Variants in DST observed in about 807,000 individuals in gnomAD.
DST encodes the protein dystonin.
In DST, 253 loss-of-function variants were observed where a neutral mutation model predicts 875.2. That is an observed-to-expected ratio of 0.29 (90% CI 0.26 to 0.32). The LOEUF is 0.32. Among genes scored for constraint, DST ranks in the 10% least tolerant of loss-of-function variants. DST has a pLI of 1.00. For missense variants in DST, 8,287 were observed against 9,111.6 expected (o/e 0.91, Z 3.68); for synonymous variants, 3,124 against 3,197.1 (o/e 0.98, Z 0.77).
rs530637951 is a variant in DST at position 56,844,597 on chromosome 6, G to A, written c.625+6800C>T. 1.6e-4 allele frequency among the ~76,000 whole-genome samples: 24 copies of A among 152,282 alleles called. No homozygotes were observed. The South Asian group carries it at 4.8e-3, about 30-fold the overall frequency. ...ATGTGTTTAAGAGTAATGACTGGCCGGGCGCGGTGTCTCACGCCTGTAATC... is the reference window on the plus strand; with the variant it reads ...ATGTGTTTAAGAGTAATGACTGGCCAGGCGCGGTGTCTCACGCCTGTAATC... On this transcript the variant is annotated intron_variant, in intron 4 of 103. Coordinates refer to ENST00000680361, the MANE Select transcript of DST (RefSeq NM_001374736.1).
chr6:56,715,977 A>C (rs2152901228), intron 5 of DST, among the ~76,000 whole-genome samples: 1 of 152,262 alleles, frequency 6.6e-6, no homozygotes, highest in South Asian at 2.1e-4. Flanking sequence ...AGGACTTCCA[A>C]GTCTACGCAT....
chr6:56,819,704 T>C (rs1384297261), intron 4 of DST, among the ~76,000 whole-genome samples: 1 of 137,670 alleles, frequency 7.3e-6, no homozygotes, highest in African/African-American at 2.6e-5. Context: ...AATTAACAGG[T>C]ACTACAATAA....
At chr6:56,935,851 G>A (rs572237541) in intron 2 of DST, among the ~76,000 whole-genome samples, 1 of 151,300 alleles carries the variant, frequency 6.6e-6, no homozygotes, top group East Asian at 2.0e-4. Flanking sequence ...CTTGAACCCG[G>A]GAGGCAGAGG....
Position 56,954,431 on chromosome 6 carries a change from A to G in DST, c.157T>C (p.Phe53Leu), listed in dbSNP as rs1281926229. ...CCTCGGCTTCTTGAACGACCCGAGAAGACCGATTTCATCGGATGCCTCCCT... is the reference window on the plus strand; with the variant it reads ...CCTCGGCTTCTTGAACGACCCGAGAGGACCGATTTCATCGGATGCCTCCCT... ...QKGRHPMKSV[F>L]SGRSRSRDAV... is the part of the protein sequence containing the mutation. The change falls in exon 1 of 104, where the codon TTC becomes CTC. Residue 53 changes from phenylalanine to leucine, a missense_variant. Transcript: ENST00000680361. The G allele has an allele frequency of 1.5e-6, 2 of 1,367,402 alleles. No individual in the cohort carries two copies. The highest frequency in any genetic ancestry group is 9.1e-5 in the East Asian group (2 of 21,988). 84.7% of individuals were successfully genotyped at this position (1,367,402 alleles called of 1,614,324 possible). A position where few individuals can be genotyped will look rare whatever the true frequency, so the allele number is the denominator to read the frequency against.
At chr6:56,824,190 TG>T (rs2099776629) in intron 4 of DST, among the ~76,000 whole-genome samples, 1 of 152,330 alleles carries the variant, frequency 6.6e-6, no homozygotes, top group South Asian at 2.1e-4. Context: ...CGTATTTTTT[TG>T]GTGGAGACAG....
chr6:56,489,354 T>C, intron 86 of DST, 136 bp downstream of exon 86: 2 of 784,960 alleles, frequency 2.5e-6, no homozygotes, highest in Non-Finnish European at 3.6e-6. Flanking sequence ...GAGCAATAGC[T>C]TTTAAATTTA....
rs963722712 is a variant in DST, at chr6:56,730,238, C to T, written c.687+4990G>A. Among the ~76,000 whole-genome samples the T allele has an allele frequency of 1.4e-4, 22 of 152,270 alleles. 1 individual carries two copies. The highest frequency in any genetic ancestry group is 1.4e-3 in the Admixed American group (22 of 15,302). On this transcript the variant is annotated intron_variant, in intron 5 of 103. Transcript: ENST00000680361. Reference sequence around the variant, plus strand: ...AAAAATCATTTATCCCCTTAAACTACTCCTCCTAAACACAGTCTCTCATGG... The same window carrying T: ...AAAAATCATTTATCCCCTTAAACTATTCCTCCTAAACACAGTCTCTCATGG...
intron 36 of DST, chr6:56,616,284 T>C: frequency 6.2e-7 from 1 of 1,614,088 alleles, no homozygotes; most frequent in Non-Finnish European, 8.5e-7. Flanking sequence ...CCTGTTTTAG[T>C]ATCAGTCAGC....
chr6:56,645,532 G>A (rs1322529259), intron 15 of DST, among the ~76,000 whole-genome samples: 1 of 152,148 alleles, frequency 6.6e-6, no homozygotes, highest in African/African-American at 2.4e-5. Context: ...AATAAAATCA[G>A]CTGTTGTCCT....
intron 88 of DST, chr6:56,484,832 A>G (rs2095509053): frequency 6.5e-6 from 1 of 154,088 alleles, no homozygotes; most frequent in South Asian, 2.0e-4. Flanking sequence ...AAACTGCTAT[A>G]ATTCAAGGGG....
rs536346204 is a variant in DST, at chr6:56,581,029, C to T, written c.12904-2092G>A. On this transcript the variant is annotated intron_variant, in intron 49 of 103. Transcript: ENST00000680361. ...GGATTACAGGAATGAGCCAAGGCTC[C>T]CAGCCAATTAGTGGCATTTATTAAA... 1.0e-4 allele frequency among the ~76,000 whole-genome samples: 15 copies of T among 144,746 alleles called. No individual in the cohort carries two copies. In the South Asian group the frequency reaches 3.3e-3, roughly 31 times the overall value. The allele number at this position is 144,746 out of a possible 152,430, so 95.0% of individuals were successfully genotyped here.
Position 56,458,399 on chromosome 6 carries a change from C to T in DST, c.*606G>A, listed in dbSNP as rs1340973005. Reference sequence around the variant, plus strand: ...CTTATATTCTTACAGTATAATAGGTCTAATATCCAGGATGCCTCTGGCCTC... The same window carrying T: ...CTTATATTCTTACAGTATAATAGGTTTAATATCCAGGATGCCTCTGGCCTC... On this transcript the variant is annotated 3_prime_UTR_variant, in exon 104 of 104. Transcript: ENST00000680361. 1 of 152,240 alleles carries T rather than the reference C, an allele frequency of 6.6e-6. No individual in the cohort carries two copies. The highest frequency in any genetic ancestry group is 1.5e-5 in the Non-Finnish European group (1 of 68,048). 9.4% of individuals were successfully genotyped at this position (152,240 alleles called of 1,614,324 possible).
chr6:56,734,095 A>G (rs766084858), intron 5 of DST, among the ~76,000 whole-genome samples: 8 of 152,244 alleles, frequency 5.3e-5, no homozygotes, highest in South Asian at 2.1e-4. Context: ...AGAATGAAAG[A>G]AAAGCTTGAG....
intron 4 of DST, among the ~76,000 whole-genome samples, chr6:56,799,006 T>A (rs947883018): frequency 1.3e-5 from 2 of 151,884 alleles, no homozygotes; most frequent in Admixed American, 6.6e-5. Flanking sequence ...GAATGAGGAG[T>A]TGCTTCTTAT....
intron 15 of DST, chr6:56,642,901 C>CT: frequency 6.4e-7 from 1 of 1,563,684 alleles, no homozygotes; most frequent in Non-Finnish European, 8.6e-7. Context: ...AATATTACAG[C>CT]TTTTAGTGGC....
intron 13 of DST, among the ~76,000 whole-genome samples, chr6:56,646,404 G>A (rs1043462704): frequency 3.9e-5 from 6 of 152,164 alleles, no homozygotes; most frequent in Admixed American, 2.6e-4. Flanking sequence ...CCATGATTTA[G>A]TGCCACAGGG....
intron 47 of DST, among the ~76,000 whole-genome samples, chr6:56,595,361 C>A (rs1170919418): frequency 6.6e-6 from 1 of 152,090 alleles, no homozygotes; most frequent in Non-Finnish European, 1.5e-5. Context: ...TCCCCCACCC[C>A]ACACTCAACC....
At chr6:56,828,437 C>T (rs182693565) in intron 4 of DST, among the ~76,000 whole-genome samples, 28 of 152,330 alleles carry the variant, frequency 1.8e-4, no homozygotes, top group African/African-American at 5.8e-4. Flanking sequence ...ACACTGAAAC[C>T]TCAGCATTCC....
At chr6:56,791,390 C>T (rs1012455326) in intron 4 of DST, among the ~76,000 whole-genome samples, 3 of 152,126 alleles carry the variant, frequency 2.0e-5, no homozygotes, top group African/African-American at 7.2e-5. Context: ...AGAGTTCTCA[C>T]TGCTGGGAAC....
Sources: gnomAD v4.1 joint callset for allele counts (sites outside exome capture counted in the v4.1 genomes callset) on GRCh38, gnomAD v4.1.1 for gene constraint, MANE v1.5 for transcripts, NCBI Gene and HGNC (gene_info 2026-07-23, HGNC 2026-07-21) for gene names.